Variants in PROSER1 observed in about 807,000 individuals in gnomAD.
PROSER1 encodes the protein proline and serine rich 1.
Under a neutral mutation model 71.8 loss-of-function variants are expected in PROSER1, and 36 were observed. That is an observed-to-expected ratio of 0.50 (90% CI 0.38 to 0.66). PROSER1 has a LOEUF of 0.66. Among genes scored for constraint, PROSER1 ranks in the 30% least tolerant of loss-of-function variants. PROSER1 has a pLI of 0.00. For missense variants in PROSER1, 1,107 were observed against 1,135.0 expected, an observed-to-expected ratio of 0.98 and a Z score of 0.35; for synonymous variants, 490 against 452.4, an observed-to-expected ratio of 1.08 and a Z score of -1.06.
chr13:39,028,141 A>G (rs1870631170), intron 5 of PROSER1, 86 bp downstream of exon 5: 1 of 699,100 alleles, frequency 1.4e-6, no homozygotes, highest in Non-Finnish European at 2.6e-6. Context: ...TTATTCACCA[A>G]AGTTAGTAAG....
At chr13:39,015,884 A>T (rs1869986670) in intron 10 of PROSER1, among the ~76,000 whole-genome samples, 1 of 152,204 alleles carries the variant, frequency 6.6e-6, no homozygotes, top group Non-Finnish European at 1.5e-5. Context: ...CTTTTATAAG[A>T]ACTAAAAGGA....
chr13:39,033,843 G>A lies in PROSER1; in HGVS notation c.111+288C>T, dbSNP rs909685381. 5.9e-5 allele frequency among the ~76,000 whole-genome samples: 9 copies of A among 152,122 alleles called. No individual in the cohort carries two copies. The East Asian group carries it at 9.7e-4, about 16-fold the overall frequency. The stretch of plus-strand genomic sequence containing the variant: ...AAAATTTGGGTAAATTTGCCATTAC[G>A]AGTCTCTAAATCTTTGATATTGTGC... On this transcript the variant is annotated intron_variant, in intron 2 of 12. Coordinates refer to ENST00000352251, the MANE Select transcript of PROSER1 (RefSeq NM_025138.5).
At chr13:39,018,966 G>A (rs1169649292) in intron 9 of PROSER1, among the ~76,000 whole-genome samples, 2 of 152,126 alleles carry the variant, frequency 1.3e-5, no homozygotes, top group Admixed American at 6.5e-5. Context: ...AAGAGACCAA[G>A]TTCCCAATAA....
intron 2 of PROSER1, 55 bp downstream of exon 2, chr13:39,034,076 A>T: frequency 7.7e-7 from 1 of 1,296,246 alleles, no homozygotes; most frequent in Non-Finnish European, 1.1e-6. Flanking sequence ...GACAGACATT[A>T]ACCAGAACAT....
Position 39,011,140 on chromosome 13 carries a change from T to G in PROSER1, c.*225A>C. 2.0e-6 allele frequency: 1 copy of G among 488,972 alleles called. No individual in the cohort carries two copies. The allele number at this position is 488,972 out of a possible 1,614,324, so 30.3% of individuals were successfully genotyped here. A position where few individuals can be genotyped will look rare whatever the true frequency, so the allele number is the denominator to read the frequency against. On this transcript the variant is annotated 3_prime_UTR_variant, in exon 13 of 13. Coordinates refer to ENST00000352251, the MANE Select transcript of PROSER1 (RefSeq NM_025138.5). The stretch of plus-strand genomic sequence containing the variant: ...GACAGGTGAAAAGTCTCCAAACACT[T>G]TTTAAATACCATTCTCCATACAATT...
intron 1 of PROSER1, among the ~76,000 whole-genome samples, chr13:39,034,445 G>GA (rs898303749): frequency 6.6e-6 from 1 of 152,126 alleles, no homozygotes; most frequent in African/African-American, 2.4e-5. Flanking sequence ...CTTCTACAAA[G>GA]AAAGGGAATA....
At chr13:39,024,638 TAC>T in intron 6 of PROSER1, 82 bp from the exon 7 acceptor site, 1 of 965,426 alleles carries the variant, frequency 1.0e-6, no homozygotes, top group Non-Finnish European at 1.5e-6. Context: ...CTCACTGTAT[TAC>T]ACTGAAGAAA....
intron 12 of PROSER1, 150 bp from the exon 13 acceptor site, chr13:39,011,637 A>C (rs1869665215): frequency 5.5e-6 from 4 of 723,654 alleles, no homozygotes; most frequent in East Asian, 5.8e-5. Context: ...CAGTCACTTA[A>C]AATTTTTAAG....
At chr13:39,024,991 C>T (rs975005537) in intron 6 of PROSER1, among the ~76,000 whole-genome samples, 9 of 151,956 alleles carry the variant, frequency 5.9e-5, no homozygotes, top group African/African-American at 2.2e-4. Flanking sequence ...ATGTGGATGC[C>T]GTGTAAATAG....
rs146054517 is a variant in PROSER1, at chr13:39,012,423, C to T, written c.2562-190G>A. On this transcript the variant is annotated intron_variant, in intron 11 of 12. Transcript: ENST00000352251. ...TCTTTCTACTGTGAAGTATATTATTCGAAATTCAGTAAGTCTGTTTTGCAT... is the reference window on the plus strand; with the variant it reads ...TCTTTCTACTGTGAAGTATATTATTTGAAATTCAGTAAGTCTGTTTTGCAT... 7.9e-4 allele frequency: 542 copies of T among 682,500 alleles called. 2 individuals are homozygous for T. In the African/African-American group the frequency reaches 8.8e-3, roughly 11 times the overall value. The allele number at this position is 682,500 out of a possible 1,614,324, so 42.3% of individuals were successfully genotyped here.
In PROSER1 at chr13:39,011,088, T is replaced by A. The variant is rs2138092168; in HGVS notation, c.*277A>T. 2.9e-6 allele frequency: 1 copy of A among 341,802 alleles called. No homozygotes were observed. The highest frequency in any genetic ancestry group is 9.5e-4 in the Middle Eastern group (1 of 1,056). The allele number at this position is 341,802 out of a possible 1,614,324, so 21.2% of individuals were successfully genotyped here. A position where few individuals can be genotyped will look rare whatever the true frequency, so the allele number is the denominator to read the frequency against. On this transcript the variant is annotated 3_prime_UTR_variant, in exon 13 of 13. Transcript: ENST00000352251. ...CTCTTTAATATTCTTTCTATGTAGATCACATACACAATTCAAAATTTTATA... is the reference window on the plus strand; with the variant it reads ...CTCTTTAATATTCTTTCTATGTAGAACACATACACAATTCAAAATTTTATA...
At chr13:39,029,456 T>C (rs1267405382) in intron 3 of PROSER1, 81 bp from the exon 4 acceptor site, 2 of 693,762 alleles carry the variant, frequency 2.9e-6, no homozygotes, top group Admixed American at 3.0e-5. Flanking sequence ...TACAGTTAAA[T>C]GCTCTTAATA....
At chr13:39,011,941 AATC>A (rs1275400398) in intron 12 of PROSER1, 139 bp downstream of exon 12, 4 of 861,234 alleles carry the variant, frequency 4.6e-6, no homozygotes, top group African/African-American at 1.7e-5. Flanking sequence ...GGAGAGAAGT[AATC>A]ATCATCAAAT....
At chr13:39,034,511 T>TA (rs1871005540) in intron 1 of PROSER1, among the ~76,000 whole-genome samples, 1 of 152,360 alleles carries the variant, frequency 6.6e-6, no homozygotes, top group South Asian at 2.1e-4. Flanking sequence ...AATTCCTAAA[T>TA]ATGTAATTAA....
Position 39,012,782 on chromosome 13 carries a change from C to T in PROSER1, c.2470G>A (p.Ala824Thr), listed in dbSNP as rs751008212. 1 of 1,613,834 alleles carries T rather than the reference C, an allele frequency of 6.2e-7. No homozygotes were observed. Among genetic ancestry groups the T allele is most frequent in the East Asian group, 2.2e-5 (1 of 44,896 alleles). ...GGAGCTGGGGATGGGGCTGTGGCAG[C>T]CACAGGTAGTGGTGTGACAGCTGCG... ...TVAAVTPLPV[A>T]ATAPSPAPVL... Residue 824 changes from alanine to threonine, a missense_variant, in exon 11 of 13, where the codon GCT becomes ACT. Ala to Thr is a moderately conservative substitution (Grantham distance 58, BLOSUM62 0). Coordinates refer to ENST00000352251, the MANE Select transcript of PROSER1 (RefSeq NM_025138.5).
Position 39,013,671 on chromosome 13 carries a change from TG to T in PROSER1, c.1580del (p.Pro527HisfsTer27). 1 of 1,613,848 alleles carries T rather than the reference TG, an allele frequency of 6.2e-7. No individual in the cohort carries two copies. The highest frequency in any genetic ancestry group is 8.5e-7 in the Non-Finnish European group (1 of 1,179,934). ...KCYAPSAIPT[P>X]QRTSTPGLAL... is the part of the protein sequence containing the mutation. The stretch of plus-strand genomic sequence containing the variant: ...CCAACCCTGGAGTGGAAGTCCTCTG[TG>T]GGGTAGGGATGGCTGATGGGGCATA... On this transcript the variant is annotated frameshift_variant, in exon 11 of 13. Coordinates refer to ENST00000352251, the MANE Select transcript of PROSER1 (RefSeq NM_025138.5). LOFTEE classifies it high-confidence loss of function.
chr13:39,032,480 G>C (rs1473222235), intron 2 of PROSER1, among the ~76,000 whole-genome samples: 1 of 152,160 alleles, frequency 6.6e-6, no homozygotes, highest in Non-Finnish European at 1.5e-5. Context: ...GGAAAAAAGT[G>C]ATACAAGAAG....
rs371158792 is a variant in PROSER1 at position 39,036,350 on chromosome 13, A to G, written c.45+848T>C. ...GAGACAATTTTAATAATAGCTTTGT[A>G]AACTGAAATAAGCACCAGAGCACAT... On this transcript the variant is annotated intron_variant, in intron 1 of 12. Coordinates refer to ENST00000352251, the MANE Select transcript of PROSER1 (RefSeq NM_025138.5). Among the ~76,000 whole-genome samples, 12 of 152,352 alleles carry G rather than the reference A, an allele frequency of 7.9e-5. No individual in the cohort carries two copies. In the East Asian group the frequency reaches 2.3e-3, roughly 29 times the overall value.
At chr13:39,028,850 C>T (rs1371214479) in intron 4 of PROSER1, among the ~76,000 whole-genome samples, 2 of 150,376 alleles carry the variant, frequency 1.3e-5, no homozygotes, top group Non-Finnish European at 2.9e-5. Flanking sequence ...GTGGTAGGTG[C>T]TTTCACAGAC....
Sources: gnomAD v4.1 joint callset for allele counts (sites outside exome capture counted in the v4.1 genomes callset) on GRCh38, gnomAD v4.1.1 for gene constraint, MANE v1.5 for transcripts, NCBI Gene and HGNC (gene_info 2026-07-23, HGNC 2026-07-21) for gene names.